The following ENTREP2 variants were observed in gnomAD, a reference collection of about 807,000 sequenced individuals.
The protein encoded by ENTREP2 is endosomal transmembrane epsin interactor 2, also known as protein ENTREP2.
chr15:29,399,950 T>C, the ENTREP2 span, among the ~76,000 whole-genome samples: 2 of 152,144 alleles, frequency 1.3e-5, no homozygotes, highest in African/African-American at 4.8e-5. Context: ...GTCTTGCCAT[T>C]TCAGGGTGGC....
chr15:29,565,693 G>T, the ENTREP2 span, among the ~76,000 whole-genome samples: 1 of 152,132 alleles, frequency 6.6e-6, no homozygotes, highest in African/African-American at 2.4e-5. Flanking sequence ...GCCGGGTGCG[G>T]TGGCTCACGC....
At chr15:29,669,912 C>T in the ENTREP2 span, among the ~76,000 whole-genome samples, 10 of 152,166 alleles carry the variant, frequency 6.6e-5, no homozygotes, top group African/African-American at 1.9e-4. Flanking sequence ...GCCGATCCCA[C>T]GGTGTGTCTG....
chr15:29,227,533 G>A, the ENTREP2 span, among the ~76,000 whole-genome samples: 1 of 152,182 alleles, frequency 6.6e-6, no homozygotes, highest in Non-Finnish European at 1.5e-5. Flanking sequence ...AGGCTCATCA[G>A]CTGGGTGGTC....
chr15:29,529,494 C>T, the ENTREP2 span, among the ~76,000 whole-genome samples: 7 of 151,898 alleles, frequency 4.6e-5, no homozygotes, highest in Middle Eastern at 3.4e-3. Context: ...GCTGGTGGAC[C>T]GTGGCCTAGA....
chr15:29,614,562 G>A, the ENTREP2 span, among the ~76,000 whole-genome samples: 3 of 152,146 alleles, frequency 2.0e-5, no homozygotes, highest in Non-Finnish European at 4.4e-5. Flanking sequence ...GCCGATCTGG[G>A]TAACCGTGTA....
chr15:29,137,113 C>T, the ENTREP2 span: 30 of 1,470,578 alleles, frequency 2.0e-5, no homozygotes, highest in East Asian at 5.5e-4. Flanking sequence ...ATGAACTCGT[C>T]GAAATCCAGG....
the ENTREP2 span, among the ~76,000 whole-genome samples, chr15:29,515,592 G>T: frequency 6.6e-6 from 1 of 152,162 alleles, no homozygotes; most frequent in Non-Finnish European, 1.5e-5. Flanking sequence ...GCAAGGAAAT[G>T]GATTCTCCCC....
At chr15:29,381,691 T>G in the ENTREP2 span, 1 of 1,150,200 alleles carries the variant, frequency 8.7e-7, no homozygotes, top group Non-Finnish European at 1.3e-6. Context: ...GTTGGAATTC[T>G]CTTCGCCACT....
chr15:29,665,832 A>G, the ENTREP2 span, among the ~76,000 whole-genome samples: 1 of 151,654 alleles, frequency 6.6e-6, no homozygotes, highest in Non-Finnish European at 1.5e-5. Context: ...TTAGGAATGC[A>G]AGGAACTTGT....
At chr15:29,201,057 T>G in the ENTREP2 span, among the ~76,000 whole-genome samples, 1 of 152,222 alleles carries the variant, frequency 6.6e-6, no homozygotes, top group East Asian at 1.9e-4. Flanking sequence ...TACTATACAG[T>G]TCACTATTAA....
the ENTREP2 span, among the ~76,000 whole-genome samples, chr15:29,553,026 T>G: frequency 6.6e-6 from 1 of 152,234 alleles, no homozygotes; most frequent in African/African-American, 2.4e-5. Context: ...CCGGGTGTGG[T>G]GGCTCACGCC....
At chr15:29,240,378 A>AG in the ENTREP2 span, among the ~76,000 whole-genome samples, 1 of 151,904 alleles carries the variant, frequency 6.6e-6, no homozygotes, top group Non-Finnish European at 1.5e-5. Context: ...AAAAAAAAAA[A>AG]AGAAAGAAAG....
chr15:29,336,410 C>G, the ENTREP2 span, among the ~76,000 whole-genome samples: 3 of 151,884 alleles, frequency 2.0e-5, no homozygotes, highest in African/African-American at 7.3e-5. Context: ...CTCCCAGGCT[C>G]AAACAACCCT....
the ENTREP2 span, among the ~76,000 whole-genome samples, chr15:29,649,057 T>TACAC: frequency 0.027 from 3,937 of 144,934 alleles, 81 homozygotes; most frequent in African/African-American, 0.052. Flanking sequence ...GGGACACATG[T>TACAC]ACACACACAC....
At chr15:29,481,481 C>T in the ENTREP2 span, among the ~76,000 whole-genome samples, 1 of 151,864 alleles carries the variant, frequency 6.6e-6, no homozygotes, top group African/African-American at 2.4e-5. Context: ...ACTGATTATA[C>T]AAAAAAATAG....
chr15:29,128,856 A>C, the ENTREP2 span: 3,017 of 1,549,742 alleles, frequency 1.9e-3, 8 homozygotes, highest in South Asian at 3.1e-3. Flanking sequence ...GCTGACCTAT[A>C]CTTGTAACCT....
chr15:29,159,423 A>G, the ENTREP2 span, among the ~76,000 whole-genome samples: 2 of 152,158 alleles, frequency 1.3e-5, no homozygotes, highest in East Asian at 3.9e-4. Flanking sequence ...CAAAGCTTCC[A>G]CAGCATAGAA....
chr15:29,144,335 G>A, the ENTREP2 span, among the ~76,000 whole-genome samples: 1 of 152,228 alleles, frequency 6.6e-6, no homozygotes, highest in Admixed American at 6.5e-5. Context: ...ACAGACTTGA[G>A]AAGAATAGAA....
chr15:29,616,856 C>T, the ENTREP2 span, among the ~76,000 whole-genome samples: 3 of 152,096 alleles, frequency 2.0e-5, no homozygotes, highest in Non-Finnish European at 4.4e-5. Flanking sequence ...AGGCAGATCA[C>T]TTGAGGTCAG....
Sources: gnomAD v4.1 joint callset for allele counts (sites outside exome capture counted in the v4.1 genomes callset) on GRCh38, gnomAD v4.1.1 for gene constraint, MANE v1.5 for transcripts, NCBI Gene and HGNC (gene_info 2026-07-23, HGNC 2026-07-21) for gene names.